The following HOOK3 variants were observed in gnomAD, a reference collection of about 807,000 sequenced individuals.
HOOK3 encodes hook microtubule tethering protein 3.
HOOK3 carries 24 observed loss-of-function variants against 116.3 expected under a neutral mutation model. The ratio of observed to expected loss-of-function variants is 0.21; its 90% CI spans 0.15 to 0.29. The LOEUF is 0.29. Among genes scored for constraint, HOOK3 ranks in the 10% least tolerant of loss-of-function variants. HOOK3 has a pLI of 1.00. For synonymous variants in HOOK3, 275 were observed against 283.0 expected, an observed-to-expected ratio of 0.97 and a Z score of 0.28; for missense variants, 632 against 830.2, an observed-to-expected ratio of 0.76 and a Z score of 2.93.
chr8:43,009,475 T>C (rs1809561954), intron 18 of HOOK3, among the ~76,000 whole-genome samples: 1 of 152,136 alleles, frequency 6.6e-6, no homozygotes, highest in Non-Finnish European at 1.5e-5. Flanking sequence ...TGATTGTACT[T>C]TGAATTTTTC....
chr8:43,028,288 A>C lies in HOOK3; in HGVS notation c.*9790A>C, dbSNP rs991049312. 2 of 184,228 alleles carry C rather than the reference A, an allele frequency of 1.1e-5. No homozygotes were observed. Among genetic ancestry groups the C allele is most frequent in the African/African-American group, 4.7e-5 (2 of 42,592 alleles). The allele number at this position is 184,228 out of a possible 1,614,324, so 11.4% of individuals were successfully genotyped here. ...AGCATCGCTTAAGCCCAGGAGGTTCAGGCTGCAGTAAGGTCTGATCACACC... is the reference window on the plus strand; with the variant it reads ...AGCATCGCTTAAGCCCAGGAGGTTCCGGCTGCAGTAAGGTCTGATCACACC... On this transcript the variant is annotated 3_prime_UTR_variant, in exon 22 of 22. Transcript: ENST00000307602.
At chr8:42,952,138 C>CA (rs1304877873) in intron 6 of HOOK3, among the ~76,000 whole-genome samples, 10 of 152,156 alleles carry the variant, frequency 6.6e-5, no homozygotes, top group African/African-American at 2.4e-4. Context: ...CAGGGGTCTC[C>CA]AGGCCACCCT....
intron 1 of HOOK3, among the ~76,000 whole-genome samples, chr8:42,900,822 A>G (rs1208350753): frequency 6.6e-6 from 1 of 152,192 alleles, no homozygotes; most frequent in African/African-American, 2.4e-5. Context: ...AGAGATTCTC[A>G]TGCTTTAGTG....
intron 3 of HOOK3, among the ~76,000 whole-genome samples, chr8:42,927,452 C>T (rs1468021778): frequency 2.0e-5 from 3 of 151,882 alleles, no homozygotes; most frequent in South Asian, 2.1e-4. Context: ...GAGATGGTTT[C>T]GTCATGTTGG....
At chr8:42,922,001 A>G (rs73635352) in intron 2 of HOOK3, among the ~76,000 whole-genome samples, 7,230 of 152,290 alleles carry the variant, frequency 0.047, 347 homozygotes, top group African/African-American at 0.12. Flanking sequence ...TTAATAACAC[A>G]AAAGAACCTC....
At chr8:43,015,518 G>A (rs1010205880) in intron 21 of HOOK3, among the ~76,000 whole-genome samples, 16 of 152,044 alleles carry the variant, frequency 1.1e-4, no homozygotes, top group African/African-American at 2.7e-4. Context: ...GCGAGACTCC[G>A]TCTCAGAAAA....
intron 4 of HOOK3, among the ~76,000 whole-genome samples, chr8:42,938,903 C>A (rs546569205): frequency 2.0e-5 from 3 of 151,794 alleles, no homozygotes; most frequent in African/African-American, 7.3e-5. Flanking sequence ...TTGAGATTAG[C>A]GAGTGGTGAT....
chr8:42,939,562 G>T (rs1416099425), intron 4 of HOOK3, among the ~76,000 whole-genome samples: 2 of 149,092 alleles, frequency 1.3e-5, no homozygotes, highest in Admixed American at 1.3e-4. Context: ...GCGGCTGGCC[G>T]AGCGGGGGGC....
In HOOK3 at chr8:43,019,444, TTAATA is replaced by T. The variant is rs992652940; in HGVS notation, c.*950_*954del. 9.5e-6 allele frequency: 2 copies of T among 210,798 alleles called. No individual in the cohort carries two copies. Among genetic ancestry groups the T allele is most frequent in the African/African-American group, 2.3e-5 (1 of 44,144 alleles). The allele number at this position is 210,798 out of a possible 1,614,324, so 13.1% of individuals were successfully genotyped here. A position where few individuals can be genotyped will look rare whatever the true frequency, so the allele number is the denominator to read the frequency against. Reference sequence around the variant, plus strand: ...ATGCCCCATTTGTTTTACTTGTTCTTTAATATAAACCCTTCCATTTTTTAACAATT... The same window carrying T: ...ATGCCCCATTTGTTTTACTTGTTCTTTAAACCCTTCCATTTTTTAACAATT... On this transcript the variant is annotated 3_prime_UTR_variant, in exon 22 of 22. Transcript: ENST00000307602.
At chr8:42,962,304 C>G (rs1453140402) in intron 8 of HOOK3, among the ~76,000 whole-genome samples, 3 of 137,766 alleles carry the variant, frequency 2.2e-5, no homozygotes, top group African/African-American at 8.2e-5. Flanking sequence ...TCTTGTTATG[C>G]TACCCAGGCT....
chr8:42,985,928 G>A (rs766529488), intron 14 of HOOK3, among the ~76,000 whole-genome samples: 198 of 152,162 alleles, frequency 1.3e-3, no homozygotes, highest in Non-Finnish European at 1.5e-3. Flanking sequence ...TTATCCACAA[G>A]AAGCTTTTCC....
rs948044878 is a variant in HOOK3, at chr8:42,964,178, G to A, written c.616-133G>A. 2.5e-4 allele frequency: 209 copies of A among 839,304 alleles called. 1 individual carries two copies. The highest frequency in any genetic ancestry group is 3.6e-4 in the Admixed American group (14 of 38,564). The allele number at this position is 839,304 out of a possible 1,614,324, so 52.0% of individuals were successfully genotyped here. On this transcript the variant is annotated intron_variant, in intron 8 of 21. Transcript: ENST00000307602. ...GCCGAGATTGCGCCACTGCACTCCA[G>A]CCTGGGCGACAGTGAGACTCCGCCT... is the stretch of plus-strand genomic sequence containing the variant.
intron 13 of HOOK3, among the ~76,000 whole-genome samples, chr8:42,979,264 CCT>C (rs1480810682): frequency 6.6e-6 from 1 of 152,050 alleles, no homozygotes; most frequent in African/African-American, 2.4e-5. Flanking sequence ...CGAGCGATAC[CCT>C]GTCTCTAAAA....
chr8:42,922,763 G>C (rs1428468233), intron 2 of HOOK3, among the ~76,000 whole-genome samples: 3 of 151,638 alleles, frequency 2.0e-5, no homozygotes, highest in African/African-American at 7.3e-5. Flanking sequence ...AGCTGGGCAT[G>C]GTGGTGCACG....
Position 43,021,099 on chromosome 8 carries a change from C to T in HOOK3, c.*2601C>T, listed in dbSNP as rs1453888394. ...CCTGGCGACAAGAGCGAAACTCTGTCGCAAGAAAAAAAAAAAAAAAAAAAA... is the reference window on the plus strand; with the variant it reads ...CCTGGCGACAAGAGCGAAACTCTGTTGCAAGAAAAAAAAAAAAAAAAAAAA... On this transcript the variant is annotated 3_prime_UTR_variant, in exon 22 of 22. Transcript: ENST00000307602. 2 of 101,262 alleles carry T rather than the reference C, an allele frequency of 2.0e-5. No individual in the cohort carries two copies. The highest frequency in any genetic ancestry group is 9.2e-5 in the African/African-American group (2 of 21,846). The allele number at this position is 101,262 out of a possible 1,614,324, so 6.3% of individuals were successfully genotyped here.
At chr8:42,941,298 G>A (rs1384667572) in intron 4 of HOOK3, among the ~76,000 whole-genome samples, 1 of 149,084 alleles carries the variant, frequency 6.7e-6, no homozygotes, top group African/African-American at 2.4e-5. Context: ...GGCGGATCAC[G>A]AGGTCAGGAG....
intron 15 of HOOK3, among the ~76,000 whole-genome samples, chr8:42,989,996 T>A (rs1389290230): frequency 1.3e-5 from 2 of 152,110 alleles, no homozygotes; most frequent in Non-Finnish European, 2.9e-5. Context: ...TTAATTTTTT[T>A]ATTTTATTTT....
intron 4 of HOOK3, among the ~76,000 whole-genome samples, chr8:42,933,727 T>C (rs558214680): frequency 5.9e-5 from 9 of 152,346 alleles, no homozygotes; most frequent in African/African-American, 2.2e-4. Context: ...CTTAGTTCTC[T>C]TTACACTGTG....
At chr8:42,947,676 G>A (rs1808254709) in intron 5 of HOOK3, among the ~76,000 whole-genome samples, 1 of 152,190 alleles carries the variant, frequency 6.6e-6, no homozygotes, top group South Asian at 2.1e-4. Context: ...ATGAGTGTCT[G>A]AGTGGTTAAA....
Sources: gnomAD v4.1 joint callset for allele counts (sites outside exome capture counted in the v4.1 genomes callset) on GRCh38, gnomAD v4.1.1 for gene constraint, MANE v1.5 for transcripts, NCBI Gene and HGNC (gene_info 2026-07-23, HGNC 2026-07-21) for gene names.